Variants in KAT6A observed in about 807,000 individuals in gnomAD.
KAT6A encodes the protein lysine acetyltransferase 6A.
In KAT6A, 9 loss-of-function variants were observed where a neutral mutation model predicts 198.4. The ratio of observed to expected loss-of-function variants is 0.05; its 90% confidence interval spans 0.03 to 0.08. The LOEUF is 0.08. KAT6A is among the 10% of genes least tolerant of loss of function. KAT6A has a pLI of 1.00. For missense variants in KAT6A, 2,077 were observed against 2,509.9 expected (o/e 0.83, Z 3.69); for synonymous variants, 890 against 883.0 (o/e 1.01, Z -0.14).
intron 5 of KAT6A, among the ~76,000 whole-genome samples, chr8:41,980,199 T>A (rs1198127814): frequency 6.6e-6 from 1 of 152,124 alleles, no homozygotes; most frequent in African/African-American, 2.4e-5. Flanking sequence ...AAGTTTTTTT[T>A]AAAGAACCTA....
intron 15 of KAT6A, among the ~76,000 whole-genome samples, chr8:41,940,567 TA>T (rs1215849288): frequency 6.6e-6 from 1 of 151,944 alleles, no homozygotes; most frequent in Non-Finnish European, 1.5e-5. Flanking sequence ...ACCAGTAAGC[TA>T]AAAAAAAGTT....
intron 2 of KAT6A, among the ~76,000 whole-genome samples, chr8:42,034,760 G>A (rs1382133773): frequency 6.6e-6 from 1 of 152,182 alleles, no homozygotes; most frequent in Non-Finnish European, 1.5e-5. Context: ...GGGCAGTACA[G>A]ATATAGAACA....
In KAT6A at chr8:41,996,206, G is replaced by A. The variant is rs904098430; in HGVS notation, c.601-8643C>T. On this transcript the variant is annotated intron_variant, in intron 2 of 16. Coordinates refer to ENST00000265713, the MANE Select transcript of KAT6A (RefSeq NM_006766.5). ...AATTTGTCACCACTGAAATTTTCAT[G>A]GAAAAAAACTGCACTTGTAAACTCA... 2.6e-5 allele frequency among the ~76,000 whole-genome samples: 4 copies of A among 152,036 alleles called. No individual in the cohort carries two copies. The South Asian group carries it at 6.2e-4, about 24-fold the overall frequency.
chr8:42,035,022 C>G (rs1261551234), intron 2 of KAT6A, among the ~76,000 whole-genome samples: 3 of 152,076 alleles, frequency 2.0e-5, no homozygotes, highest in Non-Finnish European at 4.4e-5. Context: ...ATAATGTGGA[C>G]TAGACGAAGA....
intron 2 of KAT6A, among the ~76,000 whole-genome samples, chr8:42,028,539 GAAGTA>G (rs745841063): frequency 1.3e-5 from 2 of 151,996 alleles, no homozygotes; most frequent in Non-Finnish European, 2.9e-5. Flanking sequence ...TTATCTAATA[GAAGTA>G]TAGTACTCCT....
Position 41,994,354 on chromosome 8 carries a change from C to A in KAT6A, c.601-6791G>T, listed in dbSNP as rs138216579. ...ACAAGGTACTGTGTGATCTGTACTC[C>A]CCTGCTTTCCCCCTCAGTTACCTGC... is the stretch of plus-strand genomic sequence containing the variant. On this transcript the variant is annotated intron_variant, in intron 2 of 16. Coordinates refer to ENST00000265713, the MANE Select transcript of KAT6A (RefSeq NM_006766.5). 5.7e-3 allele frequency among the ~76,000 whole-genome samples: 874 copies of A among 152,276 alleles called. 2 individuals are homozygous for A. Among genetic ancestry groups the A allele is most frequent in the Non-Finnish European group, 9.1e-3 (621 of 68,020 alleles).
intron 2 of KAT6A, among the ~76,000 whole-genome samples, chr8:42,013,280 G>A (rs1826110520): frequency 6.7e-6 from 1 of 149,368 alleles, no homozygotes; most frequent in South Asian, 2.1e-4. Context: ...TTTTTTAGAT[G>A]GAGTCTCGCT....
Position 41,981,853 on chromosome 8 carries a change from G to C in KAT6A, c.811C>G (p.Gln271Glu). Residue 271 changes from glutamine to glutamate, a missense_variant, in exon 4 of 17, where the codon CAA becomes GAA. Around this residue, in one of 13 missense-constraint regions of KAT6A, gnomAD observed 89 missense variants for 154.4 expected, o/e 0.58. Coordinates refer to ENST00000265713, the MANE Select transcript of KAT6A (RefSeq NM_006766.5). ...ECKTCSSCRD[Q>E]GKNADNMLFC... ...GAGATACTCACCGCATTTTTGCCTT[G>C]ATCTCGACAGGAGCTGCATGTTTTA... The C allele has an allele frequency of 1.2e-6, 2 of 1,612,218 alleles. No homozygotes were observed. Among genetic ancestry groups the C allele is most frequent in the Admixed American group, 1.7e-5 (1 of 60,002 alleles).
Position 41,934,388 on chromosome 8 carries a change from G to C in KAT6A, c.3832C>G (p.Arg1278Gly), listed in dbSNP as rs143346098. ...PEVEEEEEKP[R>G]VSEEQRQSEE... The stretch of plus-strand genomic sequence containing the variant: ...GACTGCCTCTGCTCCTCTGAGACAC[G>C]GGGCTTCTCTTCTTCCTCCTCCACC... Residue 1278 changes from arginine to glycine, a missense_variant, in exon 17 of 17, where the codon CGT (arginine) becomes GGT (glycine). Arg to Gly is a moderately radical substitution (Grantham distance 125). This residue lies in a region of KAT6A where 375 missense variants were observed against 383.0 expected (regional missense o/e 0.98). Coordinates refer to ENST00000265713, the MANE Select transcript of KAT6A (RefSeq NM_006766.5). The C allele has an allele frequency of 6.2e-7, 1 of 1,613,476 alleles. No individual in the cohort carries two copies. Among genetic ancestry groups the C allele is most frequent in the East Asian group, 2.2e-5 (1 of 44,848 alleles).
intron 5 of KAT6A, among the ~76,000 whole-genome samples, chr8:41,979,190 C>T (rs1824221078): frequency 6.6e-6 from 1 of 152,164 alleles, no homozygotes; most frequent in Non-Finnish European, 1.5e-5. Context: ...ATCGTTTGAA[C>T]CCAGGAGGCG....
intron 9 of KAT6A, 43 bp from the exon 10 acceptor site, chr8:41,949,406 T>C (rs764440391): frequency 5.0e-6 from 7 of 1,386,430 alleles, no homozygotes; most frequent in Non-Finnish European, 5.7e-6. Context: ...CTTTATATTT[T>C]AGAGTACTTC....
rs532860632 is a variant in KAT6A at position 41,973,308 on chromosome 8, C to T, written c.1482+1396G>A. Among the ~76,000 whole-genome samples the T allele has an allele frequency of 2.0e-5, 3 of 152,096 alleles. No homozygotes were observed. The South Asian group carries it at 6.2e-4, about 32-fold the overall frequency. On this transcript the variant is annotated intron_variant, in intron 8 of 16. Transcript: ENST00000265713. ...TGGCACGATCTCGGCTCACTGCAAC[C>T]TCCACCTCCCGGATTCAAGTGATTC...
At chr8:41,954,305 C>A (rs894712193) in intron 9 of KAT6A, among the ~76,000 whole-genome samples, 4 of 152,208 alleles carry the variant, frequency 2.6e-5, no homozygotes, top group African/African-American at 7.2e-5. Context: ...CATGTTAAGG[C>A]ACTCAACATA....
Position 41,932,970 on chromosome 8 carries a change from G to A in KAT6A, c.5250C>T (p.Thr1750=). 2 of 1,614,188 alleles carry A rather than the reference G, an allele frequency of 1.2e-6. No individual in the cohort carries two copies. Among genetic ancestry groups the A allele is most frequent in the Non-Finnish European group, 1.7e-6 (2 of 1,180,008 alleles). Residue 1750 remains threonine (T), a synonymous_variant, in exon 17 of 17, where the codon ACC becomes ACT. Coordinates refer to ENST00000265713, the MANE Select transcript of KAT6A (RefSeq NM_006766.5). ...GCTGCTGCAGCTTGGCTAGGCTGAA[G>A]GTGGCTGATGGTTGAGAGTAGCTGC... The part of the protein sequence containing the change: ...GAGSYSQPSA[T]FSLAKLQQLT...
In KAT6A at chr8:41,987,562, G is replaced by C. The variant is rs1036864611; in HGVS notation, c.602C>G (p.Pro201Arg). The C allele has an allele frequency of 6.3e-7, 1 of 1,585,000 alleles. No homozygotes were observed. The highest frequency in any genetic ancestry group is 1.3e-5 in the African/African-American group (1 of 74,150). ...VSLLPHEKDK[P>R]VAEPIPICSF... ...ACAGATGGGGATTGGTTCAGCAACC[G>C]GCTGTGAAGAAAAACACAATTCATT... Residue 201 changes from proline to arginine, a missense_variant and splice_region_variant, in exon 3 of 17, where the codon CCG becomes CGG. Physicochemically the swap from Pro to Arg is moderately radical, Grantham distance 103. Transcript: ENST00000265713.
chr8:41,967,153 T>G (rs567235686), intron 8 of KAT6A, among the ~76,000 whole-genome samples: 5 of 152,128 alleles, frequency 3.3e-5, no homozygotes, highest in Non-Finnish European at 4.4e-5. Context: ...AAAATCTGTA[T>G]GAAAATACAA....
chr8:41,961,072 A>T (rs1823182512), intron 8 of KAT6A, among the ~76,000 whole-genome samples: 1 of 150,916 alleles, frequency 6.6e-6, no homozygotes, highest in East Asian at 1.9e-4. Context: ...TACTCCATTC[A>T]CTCTCCCGTT....
chr8:42,004,876 C>A lies in KAT6A; in HGVS notation c.601-17313G>T, dbSNP rs182567290. 5.9e-5 allele frequency among the ~76,000 whole-genome samples: 9 copies of A among 151,868 alleles called. No individual in the cohort carries two copies. The South Asian group carries it at 1.9e-3, about 32-fold the overall frequency. On this transcript the variant is annotated intron_variant, in intron 2 of 16. Coordinates refer to ENST00000265713, the MANE Select transcript of KAT6A (RefSeq NM_006766.5). ...CTGGGAGGCAGAGGTTGCAATGAGC[C>A]GAGATCACGCCATTGCACTCCAGCC...
chr8:42,028,610 G>C (rs1826959936), intron 2 of KAT6A, among the ~76,000 whole-genome samples: 1 of 151,768 alleles, frequency 6.6e-6, no homozygotes, highest in African/African-American at 2.4e-5. Flanking sequence ...TTCACTTTCG[G>C]TCTATATGTC....
Sources: gnomAD v4.1 joint callset for allele counts (sites outside exome capture counted in the v4.1 genomes callset) on GRCh38, gnomAD v4.1.1 for gene constraint, gnomAD v4.1.1 regional missense constraint, MANE v1.5 for transcripts, NCBI Gene and HGNC (gene_info 2026-07-23, HGNC 2026-07-21) for gene names.